Variants in REV1 observed in about 807,000 individuals in gnomAD.
REV1 encodes translesion synthesis protein REV1.
REV1 carries 42 observed loss-of-function variants against 137.4 expected under a neutral mutation model. The observed-to-expected ratio is 0.31, with a 90% CI of 0.24 to 0.40. The LOEUF is 0.40. Ranked by LOEUF, REV1 falls within the 10% of genes least tolerant of loss-of-function variation. REV1 has a pLI of 1.00. For synonymous variants in REV1, 524 were observed against 519.2 expected, an observed-to-expected ratio of 1.01 and a Z score of -0.12; for missense variants, 1,282 against 1,490.1, an observed-to-expected ratio of 0.86 and a Z score of 2.30.
At position 99,405,675 on chromosome 2, in the gene REV1, G is replaced by C. The variant is rs1676181441; in HGVS notation, c.2811+235C>G. Reference sequence around the variant, plus strand: ...CAGTCCACAGGAGGACTGCCTTTCAGCTATGCTTTACAACTTGCAAGAGTG... The same window carrying C: ...CAGTCCACAGGAGGACTGCCTTTCACCTATGCTTTACAACTTGCAAGAGTG... On this transcript the variant is annotated intron_variant, in intron 17 of 22. Coordinates refer to ENST00000258428, the MANE Select transcript of REV1 (RefSeq NM_016316.4). 13 of 355,276 alleles carry C rather than the reference G, an allele frequency of 3.7e-5. No individual in the cohort carries two copies. In the East Asian group the frequency reaches 5.8e-4, roughly 16 times the overall value. The allele number at this position is 355,276 out of a possible 1,614,324, so 22.0% of individuals were successfully genotyped here.
intron 1 of REV1, among the ~76,000 whole-genome samples, chr2:99,478,713 C>T (rs72958359): frequency 2.0e-5 from 3 of 152,156 alleles, no homozygotes; most frequent in East Asian, 1.9e-4. Flanking sequence ...AATTCTCACA[C>T]GTGAGCATGC....
At chr2:99,469,970 A>C (rs959170950) in intron 1 of REV1, among the ~76,000 whole-genome samples, 3 of 151,918 alleles carry the variant, frequency 2.0e-5, no homozygotes, top group Non-Finnish European at 4.4e-5. Context: ...AAATACAAAA[A>C]ATTAGCCGGG....
rs771172912 is a variant in REV1 at position 99,438,909 on chromosome 2, G to A, written c.905C>T (p.Pro302Leu). 6 of 1,614,192 alleles carry A rather than the reference G, an allele frequency of 3.7e-6. No individual in the cohort carries two copies. The East Asian group carries it at 1.3e-4, about 36-fold the overall frequency. The change falls in exon 6 of 23, where the codon CCT becomes CTT. Residue 302 changes from proline to leucine, a missense_variant. Pro to Leu is a moderately conservative substitution (Grantham distance 98). Coordinates refer to ENST00000258428, the MANE Select transcript of REV1 (RefSeq NM_016316.4). ...PHRTNSFSLS[P>L]LHSNTKINGA... ...ATTGATTTTAGTGTTACTGTGCAAA[G>A]GTGATAATGAGAAAGAATTAGTTCT...
chr2:99,476,975 A>C lies in REV1; in HGVS notation c.-10-11990T>G, dbSNP rs552866630. On this transcript the variant is annotated intron_variant, in intron 1 of 22. Coordinates refer to ENST00000258428, the MANE Select transcript of REV1 (RefSeq NM_016316.4). ...CTGTAATAAATCCAACCATAAGTAAAAGCCCTTTCAGGAGTTCTTTGAACC... is the reference window on the plus strand; with the variant it reads ...CTGTAATAAATCCAACCATAAGTAACAGCCCTTTCAGGAGTTCTTTGAACC... Among the ~76,000 whole-genome samples, 33 of 152,310 alleles carry C rather than the reference A, an allele frequency of 2.2e-4. No homozygotes were observed. In the Middle Eastern group the frequency reaches 0.01, roughly 47 times the overall value.
chr2:99,417,909 TA>T (rs1331758416), intron 12 of REV1, among the ~76,000 whole-genome samples: 59 of 152,382 alleles, frequency 3.9e-4, no homozygotes, highest in African/African-American at 1.1e-3. Context: ...AGTTTGATTT[TA>T]TAAAGTATTC....
intron 1 of REV1, among the ~76,000 whole-genome samples, chr2:99,477,727 G>C (rs1686143602): frequency 6.6e-6 from 1 of 152,144 alleles, no homozygotes; most frequent in Admixed American, 6.5e-5. Context: ...CTGATTAAAA[G>C]GAAAGCGTCT....
At position 99,434,346 on chromosome 2, in the gene REV1, A is replaced by T. The variant is rs1369640099; in HGVS notation, c.1424T>A (p.Leu475Gln). ...LEWQYYQNKI[L>Q]KGKAADIPDS... ...CTCATTTGTACCTGCTTTGCCTTTC[A>T]GGATTTTATTCTGGTAATACTGCCA... The change falls in exon 8 of 23, where the codon CTG (leucine) becomes CAG (glutamine). Residue 475 changes from leucine to glutamine, a missense_variant. Leu to Gln is a moderately radical substitution (Grantham distance 113). This residue lies in a region of REV1 where 432 missense variants were observed against 438.0 expected (regional missense o/e 0.99). Transcript: ENST00000258428. The T allele has an allele frequency of 1.2e-6, 2 of 1,605,108 alleles. No individual in the cohort carries two copies. The highest frequency in any genetic ancestry group is 1.7e-4 in the Middle Eastern group (1 of 6,036).
intron 5 of REV1, among the ~76,000 whole-genome samples, chr2:99,439,577 T>C (rs1681212791): frequency 6.6e-6 from 1 of 152,198 alleles, no homozygotes; most frequent in Non-Finnish European, 1.5e-5. Context: ...CTTTAGGTGT[T>C]TTTTGTTTGT....
At chr2:99,489,424 G>A (rs1315812651) in intron 1 of REV1, among the ~76,000 whole-genome samples, 1 of 151,840 alleles carries the variant, frequency 6.6e-6, no homozygotes, top group African/African-American at 2.4e-5. Flanking sequence ...CCGAGGCGCC[G>A]GCGCAGGAGG....
At chr2:99,405,183 C>CG (rs762927409) in intron 17 of REV1, 2 of 160,888 alleles carry the variant, frequency 1.2e-5, no homozygotes, top group Non-Finnish European at 2.7e-5. Context: ...TGAATTTTCT[C>CG]TAACTTACAG....
intron 3 of REV1, among the ~76,000 whole-genome samples, chr2:99,460,315 T>C (rs1285660394): frequency 2.6e-5 from 4 of 152,190 alleles, no homozygotes; most frequent in African/African-American, 9.7e-5. Context: ...GACCTTGTGA[T>C]CTGCCCGCCT....
Position 99,464,944 on chromosome 2 carries a change from T to C in REV1, c.32A>G (p.Glu11Gly). 6.2e-7 allele frequency: 1 copy of C among 1,613,622 alleles called. No individual in the cohort carries two copies. The highest frequency in any genetic ancestry group is 8.5e-7 in the Non-Finnish European group (1 of 1,179,694). The change falls in exon 2 of 23, where the codon GAA becomes GGA. Residue 11 changes from glutamate to glycine, a missense_variant. Glu to Gly is a moderately conservative substitution (Grantham distance 98). Around this residue, in one of 7 missense-constraint regions of REV1, gnomAD observed 107 missense variants for 164.3 expected, o/e 0.65. Coordinates refer to ENST00000258428, the MANE Select transcript of REV1 (RefSeq NM_016316.4). MRRGGWRKRA[E>G]NDGWETWGGY... ...CACCCATGTTTCCCAGCCATCATTT[T>C]CAGCTCGCTTCCTCCATCCACCTCG...
intron 14 of REV1, among the ~76,000 whole-genome samples, chr2:99,409,912 TAC>T (rs948510163): frequency 1.4e-5 from 2 of 139,984 alleles, no homozygotes; most frequent in African/African-American, 5.3e-5. Flanking sequence ...TTTCAGACAT[TAC>T]AGTGATTCAT....
chr2:99,448,617 T>C lies in REV1; in HGVS notation c.350+719A>G, dbSNP rs1219943988. On this transcript the variant is annotated intron_variant, in intron 4 of 22. Coordinates refer to ENST00000258428, the MANE Select transcript of REV1 (RefSeq NM_016316.4). ...ATTACCATGCTAAAAACCTATGTGATAGACAACATGGTATAATGTACTCAT... is the reference window on the plus strand; with the variant it reads ...ATTACCATGCTAAAAACCTATGTGACAGACAACATGGTATAATGTACTCAT... Among the ~76,000 whole-genome samples the C allele has an allele frequency of 2.0e-5, 3 of 152,370 alleles. No homozygotes were observed. In the East Asian group the frequency reaches 5.8e-4, roughly 29 times the overall value.
intron 22 of REV1, among the ~76,000 whole-genome samples, chr2:99,401,890 C>T (rs1216141272): frequency 1.1e-5 from 1 of 91,914 alleles, no homozygotes; most frequent in Admixed American, 1.2e-4. Flanking sequence ...CAGGTGGGCA[C>T]CACCACCCCC....
chr2:99,448,585 T>C (rs758424563), intron 4 of REV1, among the ~76,000 whole-genome samples: 68 of 152,192 alleles, frequency 4.5e-4, no homozygotes, highest in Admixed American at 2.6e-4. Flanking sequence ...CCACATTATC[T>C]TGATGTATTA....
chr2:99,462,875 AT>A, intron 2 of REV1: 1 of 301,056 alleles, frequency 3.3e-6, no homozygotes, highest in South Asian at 6.1e-5. Context: ...ATCACCTGAG[AT>A]CAGGAGTTTG....
At chr2:99,431,983 G>A (rs1485336187) in intron 8 of REV1, 5 of 802,546 alleles carry the variant, frequency 6.2e-6, no homozygotes, top group African/African-American at 5.6e-5. Flanking sequence ...TGACTAATAC[G>A]ATTTTTAAAA....
chr2:99,434,423 G>C lies in REV1; in HGVS notation c.1347C>G (p.Asn449Lys). The C allele has an allele frequency of 6.2e-7, 1 of 1,601,476 alleles. No individual in the cohort carries two copies. Among genetic ancestry groups the C allele is most frequent in the East Asian group, 2.3e-5 (1 of 44,188 alleles). Residue 449 changes from asparagine (N) to lysine (K), a missense_variant, in exon 8 of 23, where the codon AAC (asparagine) becomes AAG (lysine). Physicochemically the swap from Asn to Lys is moderately conservative, Grantham distance 94. Transcript: ENST00000258428. ...LKGKPVAVTS[N>K]RGTGRAPLRP... Reference sequence around the variant, plus strand: ...GTAAAGGTGCCCTTCCTGTGCCTCTGTTACTTGTAACAGCCACTGGTTTTC... The same window carrying C: ...GTAAAGGTGCCCTTCCTGTGCCTCTCTTACTTGTAACAGCCACTGGTTTTC...
Sources: gnomAD v4.1 joint callset for allele counts (sites outside exome capture counted in the v4.1 genomes callset) on GRCh38, gnomAD v4.1.1 for gene constraint, gnomAD v4.1.1 regional missense constraint, MANE v1.5 for transcripts, NCBI Gene and HGNC (gene_info 2026-07-23, HGNC 2026-07-21) for gene names.